The following MEGF9 variants were observed in gnomAD, a reference collection of about 807,000 sequenced individuals.
The protein encoded by MEGF9 is multiple EGF like domains 9.
A neutral mutation model predicts 46.8 loss-of-function variants in MEGF9; 6 were observed. The ratio of observed to expected loss-of-function variants is 0.13; its 90% confidence interval spans 0.07 to 0.25. The LOEUF is 0.25. Among genes scored for constraint, MEGF9 ranks in the 10% least tolerant of loss-of-function variants. The probability of loss-of-function intolerance (pLI) is 1.00; values close to 1 mark genes in which losing one functional copy is unlikely to be tolerated. For synonymous variants in MEGF9, 302 were observed against 330.7 expected (o/e 0.91, Z 0.94); for missense variants, 683 against 792.4 (o/e 0.86, Z 1.66).
chr9:120,705,540 G>T lies in MEGF9; in HGVS notation c.601+8218C>A, dbSNP rs1588001863. Among the ~76,000 whole-genome samples the T allele has an allele frequency of 2.1e-5, 3 of 141,996 alleles. No homozygotes were observed. The East Asian group carries it at 6.2e-4, about 29-fold the overall frequency. The allele number at this position is 141,996 out of a possible 152,430, so 93.2% of individuals were successfully genotyped here. On this transcript the variant is annotated intron_variant, in intron 1 of 5. Coordinates refer to ENST00000373930, the MANE Select transcript of MEGF9 (RefSeq NM_001080497.3). ...AATGAGCAAGGAGAATGGAAGAAAG[G>T]TTTTTTTTTTTTTCAATGAAGACAA...
intron 2 of MEGF9, among the ~76,000 whole-genome samples, chr9:120,629,030 C>T (rs112630966): frequency 0.041 from 6,220 of 152,134 alleles, 420 homozygotes; most frequent in African/African-American, 0.14. Flanking sequence ...GGCTGGAGTG[C>T]AGTGGTGCGA....
intron 1 of MEGF9, among the ~76,000 whole-genome samples, chr9:120,673,091 T>G (rs115851184): frequency 6.6e-6 from 1 of 152,204 alleles, no homozygotes; most frequent in Non-Finnish European, 1.5e-5. Flanking sequence ...TTTCTATGTG[T>G]TATGAATGAA....
intron 1 of MEGF9, among the ~76,000 whole-genome samples, chr9:120,698,222 G>A (rs572932090): frequency 6.5e-4 from 99 of 152,220 alleles, no homozygotes; most frequent in African/African-American, 1.7e-3. Flanking sequence ...ATCTTTCTAC[G>A]AGCCCAATTT....
rs368773739 is a variant in MEGF9, at chr9:120,659,383, G to A, written c.794C>T (p.Pro265Leu). Reference protein sequence around the residue: ...DCSPHGALSIPCNSSGKCQCK... With the variant: ...DCSPHGALSILCNSSGKCQCK... ...ACCCTCTGTTGCTTACCTGTTGCAC[G>A]GTATGCTGAGAGCTCCATGTGGACT... Residue 265 changes from proline (P) to leucine (L), a missense_variant, in exon 2 of 6, where the codon CCG becomes CTG. Around this residue, in one of 2 missense-constraint regions of MEGF9, gnomAD observed 313 missense variants for 421.1 expected, o/e 0.74. Transcript: ENST00000373930. 28 of 1,613,248 alleles carry A rather than the reference G, an allele frequency of 1.7e-5. No homozygotes were observed. Among genetic ancestry groups the A allele is most frequent in the African/African-American group, 1.5e-4 (11 of 74,806 alleles).
chr9:120,659,453 A>C lies in MEGF9; in HGVS notation c.724T>G (p.Phe242Val). The change falls in exon 2 of 6, where the codon TTT (phenylalanine) becomes GTT (valine). Residue 242 changes from phenylalanine (F) to valine (V), a missense_variant. Phe to Val is a conservative substitution (Grantham distance 50). Transcript: ENST00000373930. ...AGCCCAGAAGTGTAATTTAGGTAAA[A>C]GCCCTCTTTGCAGGTTTCACAGTGA... ...GLHCETCKEG[F>V]YLNYTSGLCQ... 1 of 1,613,848 alleles carries C rather than the reference A, an allele frequency of 6.2e-7. No homozygotes were observed. The highest frequency in any genetic ancestry group is 1.3e-5 in the African/African-American group (1 of 74,994).
chr9:120,682,688 T>A (rs1360762095), intron 1 of MEGF9, among the ~76,000 whole-genome samples: 1 of 152,156 alleles, frequency 6.6e-6, no homozygotes, highest in Admixed American at 6.5e-5. Flanking sequence ...GCTCAGGCCA[T>A]CCTCCTACCT....
intron 1 of MEGF9, 116 bp downstream of exon 1, chr9:120,713,642 C>T: frequency 8.1e-7 from 1 of 1,227,442 alleles, no homozygotes; most frequent in Non-Finnish European, 1.0e-6. Context: ...CCTCGGGAGC[C>T]GGAACCTGGG....
intron 1 of MEGF9, among the ~76,000 whole-genome samples, chr9:120,679,024 G>A (rs2043786170): frequency 6.6e-6 from 1 of 152,224 alleles, no homozygotes; most frequent in Non-Finnish European, 1.5e-5. Context: ...TACACTGTTG[G>A]TGGGACTGTA....
rs762145877 is a variant in MEGF9, at chr9:120,622,641, C to T, written c.918G>A (p.Arg306=). The T allele has an allele frequency of 4.3e-6, 7 of 1,613,594 alleles. No individual in the cohort carries two copies. In the East Asian group the frequency reaches 8.9e-5, roughly 21 times the overall value. ...CTGTGAGGGCATCGCAACTGGCAGACCGATTATTGCATTGGCAGGGCAAGC... is the reference window on the plus strand; with the variant it reads ...CTGTGAGGGCATCGCAACTGGCAGATCGATTATTGCATTGGCAGGGCAAGC... ...NGCLPCQCNN[R]SASCDALTGA... is the part of the protein sequence containing the mutation. The change falls in exon 3 of 6, where the codon CGG becomes CGA. Residue 306 remains arginine, a synonymous_variant. Transcript: ENST00000373930.
intron 3 of MEGF9, among the ~76,000 whole-genome samples, chr9:120,619,690 C>T (rs868425562): frequency 1.3e-5 from 2 of 152,134 alleles, no homozygotes; most frequent in South Asian, 2.1e-4. Context: ...TGAATATAAC[C>T]TTCTTAAGAA....
rs1279452462 is a variant in MEGF9, at chr9:120,652,175, C to A, written c.803+7199G>T. ...ACACACACACACACACACACACACA[C>A]ACACACAAAAAAAAAAAAAAAAAAA... On this transcript the variant is annotated intron_variant, in intron 2 of 5. Transcript: ENST00000373930. Among the ~76,000 whole-genome samples, 148 of 15,108 alleles carry A rather than the reference C, an allele frequency of 9.8e-3. 11 individuals carry two copies. The highest frequency in any genetic ancestry group is 0.02 in the African/African-American group (107 of 5,472). The allele number at this position is 15,108 out of a possible 152,430, so 9.9% of individuals were successfully genotyped here. A position where few individuals can be genotyped will look rare whatever the true frequency, so the allele number is the denominator to read the frequency against.
intron 1 of MEGF9, among the ~76,000 whole-genome samples, chr9:120,677,369 G>A (rs2043778067): frequency 6.6e-6 from 1 of 152,092 alleles, no homozygotes; most frequent in South Asian, 2.1e-4. Context: ...TCGTGCTCAA[G>A]CAATCCGCCC....
chr9:120,710,359 G>A (rs2043947624), intron 1 of MEGF9, among the ~76,000 whole-genome samples: 1 of 148,678 alleles, frequency 6.7e-6, no homozygotes, highest in African/African-American at 2.5e-5. Context: ...GGGAGGTGGA[G>A]GTTGTGGTGA....
chr9:120,605,068 A>G lies in MEGF9; in HGVS notation c.*122T>C. On this transcript the variant is annotated 3_prime_UTR_variant, in exon 6 of 6. Coordinates refer to ENST00000373930, the MANE Select transcript of MEGF9 (RefSeq NM_001080497.3). The surrounding 1 kb of genome is among the most constrained non-coding windows in gnomAD (Gnocchi z 4.0). Reference sequence around the variant, plus strand: ...GCGCATTACAAATTTGTACCTGAAAATTTCAGATGCACTATTTGCCTTTGC... The same window carrying G: ...GCGCATTACAAATTTGTACCTGAAAGTTTCAGATGCACTATTTGCCTTTGC... 1.0e-6 allele frequency: 1 copy of G among 962,078 alleles called. No homozygotes were observed. The highest frequency in any genetic ancestry group is 2.5e-5 in the East Asian group (1 of 40,422). The allele number at this position is 962,078 out of a possible 1,614,324, so 59.6% of individuals were successfully genotyped here.
chr9:120,625,429 A>T (rs2043519619), intron 2 of MEGF9, among the ~76,000 whole-genome samples: 1 of 151,994 alleles, frequency 6.6e-6, no homozygotes, highest in South Asian at 2.1e-4. Flanking sequence ...GCAGGAAATG[A>T]CATCACAGGG....
chr9:120,621,547 C>G (rs976154067), intron 3 of MEGF9, among the ~76,000 whole-genome samples: 4 of 152,052 alleles, frequency 2.6e-5, no homozygotes, highest in African/African-American at 9.7e-5. Context: ...GACATTTTGC[C>G]TCTCTTCACC....
intron 1 of MEGF9, among the ~76,000 whole-genome samples, chr9:120,693,214 A>G (rs961753422): frequency 6.6e-6 from 1 of 151,812 alleles, no homozygotes; most frequent in African/African-American, 2.4e-5. Context: ...AAGCACTGTT[A>G]AAGACCAATT....
intron 2 of MEGF9, among the ~76,000 whole-genome samples, chr9:120,627,072 T>C (rs2132306327): frequency 6.6e-6 from 1 of 152,322 alleles, no homozygotes; most frequent in Non-Finnish European, 1.5e-5. Context: ...ATTTTAGAAT[T>C]CTGTTAATAA....
intron 2 of MEGF9, among the ~76,000 whole-genome samples, chr9:120,623,760 A>ATTC (rs1424031959): frequency 6.6e-6 from 1 of 152,228 alleles, no homozygotes; most frequent in African/African-American, 2.4e-5. Flanking sequence ...TTATGACTCA[A>ATTC]TAAGAAGGAA....
Sources: allele counts gnomAD v4.1 joint callset (sites outside exome capture counted in the v4.1 genomes callset), GRCh38; gene constraint gnomAD v4.1.1; regional missense constraint gnomAD v4.1.1; non-coding constraint Gnocchi (gnomAD v3.1); transcripts MANE v1.5; gene names NCBI Gene and HGNC (gene_info 2026-07-23, HGNC 2026-07-21).